The following HYDIN variants were observed in gnomAD, a reference collection of about 807,000 sequenced individuals.
The protein encoded by HYDIN is axonemal central pair apparatus protein HYDIN.
HYDIN carries 132 observed loss-of-function variants against 403.9 expected under a neutral mutation model. The ratio of observed to expected loss-of-function variants is 0.33; its 90% confidence interval spans 0.28 to 0.38. HYDIN has a LOEUF of 0.38. Among genes scored for constraint, HYDIN ranks in the 10% least tolerant of loss-of-function variants. The probability of loss-of-function intolerance (pLI) is 1.00; values close to 1 mark genes in which losing one functional copy is unlikely to be tolerated. For synonymous variants in HYDIN, 1,202 were observed against 1,891.7 expected (o/e 0.64, Z 9.46); for missense variants, 2,827 against 5,009.5 (o/e 0.56, Z 13.15).
chr16:71,133,733 T>C (rs540325834), intron 8 of HYDIN, among the ~76,000 whole-genome samples: 5 of 152,162 alleles, frequency 3.3e-5, no homozygotes, highest in East Asian at 1.9e-4. Context: ...AGAATGAGTA[T>C]GAAAGAATCT....
intron 15 of HYDIN, chr16:71,067,042 T>TG (rs1488624864): frequency 5.3e-5 from 34 of 641,890 alleles, no homozygotes; most frequent in African/African-American, 4.0e-4. Context: ...GTCTGACCCG[T>TG]TTTTTCACTA....
At chr16:71,204,290 G>C (rs74509672) in intron 1 of HYDIN, among the ~76,000 whole-genome samples, 1 of 152,144 alleles carries the variant, frequency 6.6e-6, no homozygotes. Flanking sequence ...AAAATGCTTA[G>C]AATTCTTTTA....
At chr16:70,945,243 A>G (rs889764635) in intron 41 of HYDIN, among the ~76,000 whole-genome samples, 5 of 152,188 alleles carry the variant, frequency 3.3e-5, no homozygotes, top group African/African-American at 1.2e-4. Context: ...GGCCAGTAGG[A>G]CTTCGGATGG....
intron 7 of HYDIN, among the ~76,000 whole-genome samples, chr16:71,145,171 C>T (rs2144559628): frequency 6.6e-6 from 1 of 151,316 alleles, no homozygotes; most frequent in South Asian, 2.1e-4. Context: ...TTTACCTCTG[C>T]AATCTTCAGA....
Position 70,872,035 on chromosome 16 carries a change from A to C in HYDIN, c.11091+2T>G. 6.2e-7 allele frequency: 1 copy of C among 1,605,774 alleles called. No individual in the cohort carries two copies. The highest frequency in any genetic ancestry group is 8.5e-7 in the Non-Finnish European group (1 of 1,176,052). On this transcript the variant is annotated splice_donor_variant, in intron 65 of 85. Coordinates refer to ENST00000393567, the MANE Select transcript of HYDIN (RefSeq NM_001270974.2). LOFTEE classifies it high-confidence loss of function. ...AAAAAATGATGAATGACTTTTATTT[A>C]CCTGTGGGGAGAAAGCAATTGTAGC...
Position 70,862,058 on chromosome 16 carries a change from G to C in HYDIN, c.11767C>G (p.Leu3923Val). Residue 3923 changes from leucine to valine, a missense_variant, in exon 69 of 86, where the codon CTT (leucine) becomes GTT (valine). Transcript: ENST00000393567. ...PLDIGDFESN[L>V]FCQIPNLPPG... ...AGCACATTTTCTTACTGGCAGAAAA[G>C]GTTGCTCTCGAAGTCTCCAATGTCC... 1.3e-6 allele frequency: 2 copies of C among 1,586,224 alleles called. No homozygotes were observed. Among genetic ancestry groups the C allele is most frequent in the Non-Finnish European group, 1.7e-6 (2 of 1,166,116 alleles).
chr16:71,156,947 T>A lies in HYDIN; in HGVS notation c.717-4164A>T, dbSNP rs535259375. Among the ~76,000 whole-genome samples, 35 of 151,820 alleles carry A rather than the reference T, an allele frequency of 2.3e-4. No homozygotes were observed. In the South Asian group the frequency reaches 6.3e-3, roughly 27 times the overall value. On this transcript the variant is annotated intron_variant, in intron 6 of 85. Coordinates refer to ENST00000393567, the MANE Select transcript of HYDIN (RefSeq NM_001270974.2). ...AGCCCATTGCAGCCTCTTTTGTTAG[T>A]GTAAAATTATTATGCTTATTTTATA...
intron 84 of HYDIN, among the ~76,000 whole-genome samples, chr16:70,810,637 C>A (rs2035428600): frequency 6.6e-6 from 1 of 152,042 alleles, no homozygotes; most frequent in Non-Finnish European, 1.5e-5. Flanking sequence ...CGAAACCAGG[C>A]TGACCAACAT....
At chr16:70,985,359 G>A in intron 27 of HYDIN, 37 bp from the exon 28 acceptor site, 1 of 1,090,308 alleles carries the variant, frequency 9.2e-7, no homozygotes, top group South Asian at 1.6e-5. Context: ...TCCATCTTGG[G>A]ATGCGGCTTT....
chr16:71,028,432 A>G (rs936274054), intron 19 of HYDIN, among the ~76,000 whole-genome samples: 59 of 152,150 alleles, frequency 3.9e-4, no homozygotes, highest in African/African-American at 1.4e-3. Context: ...TCATGTATTC[A>G]TTTGTTCATC....
intron 28 of HYDIN, 163 bp downstream of exon 28, chr16:70,985,022 A>T (rs1204524637): frequency 3.3e-6 from 2 of 604,146 alleles, no homozygotes; most frequent in Non-Finnish European, 5.7e-6. Flanking sequence ...TTGTTTAATA[A>T]ATGAGCGAAG....
At chr16:71,005,530 A>G (rs2079865911) in intron 23 of HYDIN, among the ~76,000 whole-genome samples, 2 of 152,152 alleles carry the variant, frequency 1.3e-5, no homozygotes, top group South Asian at 4.2e-4. Context: ...CAGAACTGAG[A>G]AATAAATATC....
In HYDIN at chr16:71,186,904, AT is replaced by A. The variant is rs768899959; in HGVS notation, c.-10del. 5.2e-5 allele frequency: 83 copies of A among 1,596,482 alleles called. No homozygotes were observed. Among genetic ancestry groups the A allele is most frequent in the South Asian group, 2.5e-4 (22 of 88,058 alleles). ...AGTCTTCTACTTGTCATTTTTAGTA[AT>A]TTTTTTTTCTCACCTAAGAGTGAAA... is the stretch of plus-strand genomic sequence containing the variant. On this transcript the variant is annotated 5_prime_UTR_variant, in exon 2 of 86. Coordinates refer to ENST00000393567, the MANE Select transcript of HYDIN (RefSeq NM_001270974.2).
intron 40 of HYDIN, 22 bp downstream of exon 40, chr16:70,955,353 A>T: frequency 6.5e-7 from 1 of 1,542,794 alleles, no homozygotes; most frequent in Non-Finnish European, 8.7e-7. Context: ...GACCACAAAA[A>T]CCCAAGAGAA....
At chr16:71,194,387 G>A (rs187242240) in intron 1 of HYDIN, among the ~76,000 whole-genome samples, 360 of 152,294 alleles carry the variant, frequency 2.4e-3, no homozygotes, top group Non-Finnish European at 4.4e-3. Context: ...CTCCAGCCCA[G>A]CAACAGAGTG....
At chr16:70,875,294 C>A (rs2143665302) in intron 62 of HYDIN, among the ~76,000 whole-genome samples, 1 of 151,872 alleles carries the variant, frequency 6.6e-6, no homozygotes, top group South Asian at 2.1e-4. Flanking sequence ...TAAGGGCCTG[C>A]ATTGATGTCA....
intron 1 of HYDIN, among the ~76,000 whole-genome samples, chr16:71,214,710 T>C (rs1380877953): frequency 2.0e-5 from 3 of 152,310 alleles, no homozygotes; most frequent in South Asian, 4.1e-4. Flanking sequence ...CTTCTATTCT[T>C]TGGGCAGACA....
intron 75 of HYDIN, among the ~76,000 whole-genome samples, chr16:70,842,805 C>T (rs1196405351): frequency 1.3e-5 from 2 of 151,782 alleles, no homozygotes; most frequent in African/African-American, 2.4e-5. Context: ...AATCACTAGT[C>T]AATTATGTCT....
At chr16:70,819,381 AAATTTAATTTAATTT>A (rs113503868) in intron 83 of HYDIN, among the ~76,000 whole-genome samples, 1 of 151,934 alleles carries the variant, frequency 6.6e-6, no homozygotes, top group Non-Finnish European at 1.5e-5. Flanking sequence ...TAACCTTTTA[AAATTTAATTTAATTT>A]AATTTAATTT....
Sources: allele counts gnomAD v4.1 joint callset (sites outside exome capture counted in the v4.1 genomes callset), GRCh38; gene constraint gnomAD v4.1.1; transcripts MANE v1.5; gene names NCBI Gene and HGNC (gene_info 2026-07-23, HGNC 2026-07-21).